Variants in NEDD4L observed in about 807,000 individuals in gnomAD.
NEDD4L encodes the protein E3 ubiquitin-protein ligase NEDD4-like.
In NEDD4L, 54 loss-of-function variants were observed where a neutral mutation model predicts 148.9. That is an observed-to-expected ratio of 0.36 (90% CI 0.29 to 0.45). The LOEUF is 0.45. NEDD4L is among the 20% of genes least tolerant of loss of function. The pLI is 1.00. For missense variants in NEDD4L, 856 were observed against 1,233.8 expected (o/e 0.69, Z 4.59); for synonymous variants, 433 against 440.7 (o/e 0.98, Z 0.22).
At chr18:58,143,679 G>A (rs758303164) in intron 1 of NEDD4L, among the ~76,000 whole-genome samples, 4 of 152,166 alleles carry the variant, frequency 2.6e-5, no homozygotes, top group Admixed American at 2.0e-4. Flanking sequence ...CAGAGAGGCC[G>A]TGGATGGGAT....
At chr18:58,115,007 A>G (rs2085692493) in intron 1 of NEDD4L, among the ~76,000 whole-genome samples, 1 of 152,050 alleles carries the variant, frequency 6.6e-6, no homozygotes, top group South Asian at 2.1e-4. Context: ...CTTTAATTCC[A>G]TCTGCAGCCT....
chr18:58,116,652 G>T (rs1164675572), intron 1 of NEDD4L, among the ~76,000 whole-genome samples: 1 of 152,230 alleles, frequency 6.6e-6, no homozygotes, highest in Admixed American at 6.5e-5. Context: ...TGCAGAGGGA[G>T]ACCAGAGCAT....
At chr18:58,294,326 G>C (rs906073942) in intron 5 of NEDD4L, among the ~76,000 whole-genome samples, 1 of 152,140 alleles carries the variant, frequency 6.6e-6, no homozygotes, top group African/African-American at 2.4e-5. Flanking sequence ...GACTAATTTT[G>C]GTATCCATGT....
chr18:58,335,711 G>T (rs979684417), intron 13 of NEDD4L, 174 bp downstream of exon 13: 2 of 542,096 alleles, frequency 3.7e-6, no homozygotes, highest in Non-Finnish European at 6.6e-6. Context: ...AAAGGTACTG[G>T]GTAAAATAGA....
intron 24 of NEDD4L, among the ~76,000 whole-genome samples, chr18:58,374,932 G>A (rs769617274): frequency 1.3e-4 from 20 of 152,082 alleles, no homozygotes; most frequent in Non-Finnish European, 2.6e-4. Context: ...TCAGGCCGGC[G>A]TCTGCCTTCC....
Position 58,256,658 on chromosome 18 carries a change from C to G in NEDD4L, c.297+4604C>G. ...GTGCACATTTAAGATCAGGCAGGATCAGAACGCGGGGCAGCAGCATTTTAG... is the reference window on the plus strand; with the variant it reads ...GTGCACATTTAAGATCAGGCAGGATGAGAACGCGGGGCAGCAGCATTTTAG... On this transcript the variant is annotated intron_variant, in intron 5 of 30. Transcript: ENST00000400345. The surrounding 1 kb of genome is among the most constrained non-coding windows in gnomAD (Gnocchi z 5.2). 1.6e-6 allele frequency: 2 copies of G among 1,232,198 alleles called. No homozygotes were observed. Among genetic ancestry groups the G allele is most frequent in the East Asian group, 6.3e-5 (2 of 31,698 alleles). The allele number at this position is 1,232,198 out of a possible 1,614,324, so 76.3% of individuals were successfully genotyped here. A position where few individuals can be genotyped will look rare whatever the true frequency, so the allele number is the denominator to read the frequency against.
intron 5 of NEDD4L, among the ~76,000 whole-genome samples, chr18:58,301,301 A>G (rs183419898): frequency 1.3e-5 from 2 of 152,316 alleles, no homozygotes; most frequent in East Asian, 3.9e-4. Flanking sequence ...CAGCCCATGA[A>G]TATAGTCATT....
intron 5 of NEDD4L, among the ~76,000 whole-genome samples, chr18:58,254,036 A>G (rs1031942118): frequency 1.3e-5 from 2 of 150,770 alleles, no homozygotes; most frequent in African/African-American, 4.9e-5. Context: ...CGGAGACAAT[A>G]TGTGGCTATG....
chr18:58,317,294 G>C (rs2058373821), intron 6 of NEDD4L, among the ~76,000 whole-genome samples: 1 of 152,240 alleles, frequency 6.6e-6, no homozygotes, highest in African/African-American at 2.4e-5. Context: ...CTCAGGTCAC[G>C]TTGGGAGGAT....
At chr18:58,253,252 A>C (rs918328535) in intron 5 of NEDD4L, among the ~76,000 whole-genome samples, 1 of 152,190 alleles carries the variant, frequency 6.6e-6, no homozygotes, top group Non-Finnish European at 1.5e-5. Flanking sequence ...CTTTACATAA[A>C]CACATCAGTC....
At chr18:58,112,315 A>G (rs1361973489) in intron 1 of NEDD4L, among the ~76,000 whole-genome samples, 1 of 151,768 alleles carries the variant, frequency 6.6e-6, no homozygotes, top group African/African-American at 2.4e-5. Context: ...ATTACATCCT[A>G]TCTCTTCTCT....
chr18:58,370,179 C>T (rs1311919237), intron 22 of NEDD4L, among the ~76,000 whole-genome samples: 1 of 152,158 alleles, frequency 6.6e-6, no homozygotes, highest in Admixed American at 6.5e-5. Context: ...GCCTTTCTGG[C>T]CCCACTCTGC....
intron 11 of NEDD4L, 78 bp from the exon 12 acceptor site, chr18:58,333,740 G>A (rs1332418427): frequency 1.1e-6 from 1 of 943,648 alleles, no homozygotes; most frequent in Non-Finnish European, 1.7e-6. Flanking sequence ...ATGGTTGAGT[G>A]ATATGTTTGT....
chr18:58,211,046 A>G (rs1007189140), intron 2 of NEDD4L, among the ~76,000 whole-genome samples: 1 of 152,206 alleles, frequency 6.6e-6, no homozygotes, highest in Non-Finnish European at 1.5e-5. Context: ...AGCCATTCCT[A>G]ATATAGTACA....
intron 5 of NEDD4L, among the ~76,000 whole-genome samples, chr18:58,259,413 TTTAG>T (rs2049041031): frequency 6.6e-6 from 1 of 152,232 alleles, no homozygotes; most frequent in South Asian, 2.1e-4. Flanking sequence ...TAGTGAGTAA[TTTAG>T]TTATTTTCTT....
rs980489765 is a variant in NEDD4L, at chr18:58,325,085, A to G, written c.603A>G (p.Glu201=). 12 of 1,613,960 alleles carry G rather than the reference A, an allele frequency of 7.4e-6. No homozygotes were observed. The highest frequency in any genetic ancestry group is 1.0e-5 in the Non-Finnish European group (12 of 1,179,906). Residue 201 remains glutamate (E), a synonymous_variant, in exon 9 of 31, where the codon GAA becomes GAG. Transcript: ENST00000400345. ...PPPPLPPGWE[E]KVDNLGRTYY... is the part of the protein sequence containing the mutation. ...CTCCTCTGCCTCCCGGGTGGGAAGA[A>G]AAAGTGGACAATTTAGGCCGAACTT...
chr18:58,066,892 A>G (rs955672992), intron 1 of NEDD4L, among the ~76,000 whole-genome samples: 43 of 152,270 alleles, frequency 2.8e-4, no homozygotes, highest in Middle Eastern at 3.4e-3. Flanking sequence ...ATCCACTCCC[A>G]TCATCTCATC....
chr18:58,096,580 T>C (rs2084427065), intron 1 of NEDD4L, among the ~76,000 whole-genome samples: 1 of 151,936 alleles, frequency 6.6e-6, no homozygotes, highest in African/African-American at 2.4e-5. Flanking sequence ...ATTTTTGTAT[T>C]TTTAGTAGAG....
At chr18:58,383,001 A>G (rs1017115688) in intron 24 of NEDD4L, among the ~76,000 whole-genome samples, 4 of 152,256 alleles carry the variant, frequency 2.6e-5, no homozygotes, top group East Asian at 1.9e-4. Flanking sequence ...TATTGCTAAT[A>G]TATGAAGAAT....
Sources: gnomAD v4.1 joint callset for allele counts (sites outside exome capture counted in the v4.1 genomes callset) on GRCh38, gnomAD v4.1.1 for gene constraint, Gnocchi (gnomAD v3.1) non-coding constraint, MANE v1.5 for transcripts, NCBI Gene and HGNC (gene_info 2026-07-23, HGNC 2026-07-21) for gene names.